Variants in GDPD1 observed in about 807,000 individuals in gnomAD.
GDPD1 encodes the protein lysophospholipase D GDPD1.
A neutral mutation model predicts 45.1 loss-of-function variants in GDPD1; 28 were observed. The observed-to-expected ratio is 0.62, with a 90% confidence interval of 0.46 to 0.85. The LOEUF (loss-of-function observed/expected upper bound fraction) is 0.85. Ranked by LOEUF, GDPD1 falls within the 40% of genes least tolerant of loss-of-function variation. The probability of loss-of-function intolerance (pLI) is 0.00; values close to 1 mark genes in which losing one functional copy is unlikely to be tolerated. For synonymous variants in GDPD1, 139 were observed against 131.4 expected (o/e 1.06, Z -0.40); for missense variants, 256 against 364.8 (o/e 0.70, Z 2.43).
chr17:59,257,916 A>G, intron 6 of GDPD1, 76 bp downstream of exon 6: 1 of 1,021,164 alleles, frequency 9.8e-7, no homozygotes, highest in African/African-American at 1.7e-5. Flanking sequence ...TTATTATAGT[A>G]ATAATTTTTT....
chr17:59,231,075 A>G (rs962831598), intron 1 of GDPD1, among the ~76,000 whole-genome samples: 7 of 152,178 alleles, frequency 4.6e-5, no homozygotes, highest in Admixed American at 4.6e-4. Context: ...CACCAGGGAC[A>G]TCTTTTCTGA....
At chr17:59,273,574 A>T (rs2047459161) in intron 9 of GDPD1, 77 bp from the exon 10 acceptor site, 1 of 700,124 alleles carries the variant, frequency 1.4e-6, no homozygotes, top group African/African-American at 1.8e-5. Flanking sequence ...CCAAGACTGT[A>T]GTGGATAAAT....
chr17:59,274,241 G>T lies in GDPD1; in HGVS notation c.*468G>T. ...ATACATTTGGCATTGGGCTGAGTGT[G>T]GTGGCTCATGCCTGTAATCCCAGCA... On this transcript the variant is annotated 3_prime_UTR_variant, in exon 10 of 10. Transcript: ENST00000284116. The T allele has an allele frequency of 1.2e-6, 1 of 869,538 alleles. No individual in the cohort carries two copies. The highest frequency in any genetic ancestry group is 5.3e-5 in the South Asian group (1 of 18,936). The allele number at this position is 869,538 out of a possible 1,614,324, so 53.9% of individuals were successfully genotyped here.
chr17:59,235,559 C>G lies in GDPD1; in HGVS notation c.185+1025C>G, dbSNP rs567585590. ...AGGCATGGTGGCTCACACCTGTAAT[C>G]TCAACACTTTGGGAGGCCAAGGCGA... On this transcript the variant is annotated intron_variant, in intron 2 of 9. Transcript: ENST00000284116. Among the ~76,000 whole-genome samples, 3 of 152,304 alleles carry G rather than the reference C, an allele frequency of 2.0e-5. No homozygotes were observed. The East Asian group carries it at 5.8e-4, about 29-fold the overall frequency.
intron 4 of GDPD1, among the ~76,000 whole-genome samples, chr17:59,251,285 G>A (rs927021616): frequency 4.6e-5 from 7 of 151,716 alleles, no homozygotes; most frequent in Non-Finnish European, 8.8e-5. Context: ...TTGGGAGGCC[G>A]AGACAGGTGG....
chr17:59,239,771 T>TC (rs1165077545), intron 2 of GDPD1, among the ~76,000 whole-genome samples: 6 of 151,990 alleles, frequency 3.9e-5, no homozygotes, highest in African/African-American at 1.4e-4. Context: ...AGTTTTTTTT[T>TC]TTTTTAATTG....
rs367643385 is a variant in GDPD1, at chr17:59,246,761, A to G, written c.321+1212A>G. 2.9e-3 allele frequency among the ~76,000 whole-genome samples: 444 copies of G among 151,262 alleles called. 3 individuals carry two copies. Among genetic ancestry groups the G allele is most frequent in the African/African-American group, 0.01 (417 of 41,336 alleles). On this transcript the variant is annotated intron_variant, in intron 3 of 9. Coordinates refer to ENST00000284116, the MANE Select transcript of GDPD1 (RefSeq NM_182569.4). ...ACATTATAAGAAAAAAAGAAAAAAA[A>G]GAGCAAGGAAACATAAGAGATAAAC...
rs2047474547 is a variant in GDPD1, at chr17:59,275,498, TG to T, written c.*1726del. ...GACAAGATCCAAATAGTCATATTTT[TG>T]TGTTTCCTCTAAAAAAATGTAAGAT... On this transcript the variant is annotated 3_prime_UTR_variant, in exon 10 of 10. Coordinates refer to ENST00000284116, the MANE Select transcript of GDPD1 (RefSeq NM_182569.4). 4.9e-6 allele frequency: 1 copy of T among 204,436 alleles called. No homozygotes were observed. Among genetic ancestry groups the T allele is most frequent in the Non-Finnish European group, 1.0e-5 (1 of 100,312 alleles). The allele number at this position is 204,436 out of a possible 1,614,324, so 12.7% of individuals were successfully genotyped here.
chr17:59,255,768 T>A lies in GDPD1; in HGVS notation c.368-1354T>A, dbSNP rs1231049145. On this transcript the variant is annotated intron_variant, in intron 4 of 9. Coordinates refer to ENST00000284116, the MANE Select transcript of GDPD1 (RefSeq NM_182569.4). ...CAAAAAAAAAAAAAAAAAAAATATA[T>A]ATATATATATATATATACGCGTATA... Among the ~76,000 whole-genome samples the A allele has an allele frequency of 7.3e-3, 508 of 69,698 alleles. 11 individuals are homozygous for A. Among genetic ancestry groups the A allele is most frequent in the Non-Finnish European group, 9.2e-3 (386 of 41,834 alleles). The allele number at this position is 69,698 out of a possible 152,430, so 45.7% of individuals were successfully genotyped here.
At chr17:59,255,249 C>A (rs569882963) in intron 4 of GDPD1, among the ~76,000 whole-genome samples, 134 of 152,104 alleles carry the variant, frequency 8.8e-4, no homozygotes, top group African/African-American at 3.1e-3. Context: ...ACAATTTTTA[C>A]AATAGTTATA....
intron 1 of GDPD1, among the ~76,000 whole-genome samples, chr17:59,232,573 G>A (rs966854975): frequency 2.0e-5 from 3 of 152,142 alleles, no homozygotes; most frequent in African/African-American, 7.2e-5. Flanking sequence ...AAATGGTTCT[G>A]AATCAAGGTG....
intron 2 of GDPD1, among the ~76,000 whole-genome samples, chr17:59,244,497 A>T (rs1395638274): frequency 2.6e-5 from 4 of 151,948 alleles, no homozygotes; most frequent in African/African-American, 7.3e-5. Flanking sequence ...CACCTGGCCA[A>T]TTTTTTTGTA....
chr17:59,273,840 T>A lies in GDPD1; in HGVS notation c.*67T>A, dbSNP rs561963861. The A allele has an allele frequency of 6.8e-7, 1 of 1,466,086 alleles. No individual in the cohort carries two copies. The highest frequency in any genetic ancestry group is 1.4e-5 in the African/African-American group (1 of 70,152). 90.8% of individuals were successfully genotyped at this position (1,466,086 alleles called of 1,614,324 possible). The stretch of plus-strand genomic sequence containing the variant: ...CTAAGAAAAAAATATTTCATGATCA[T>A]TTCCCTAAGCCATTTCCAGAATGGT... On this transcript the variant is annotated 3_prime_UTR_variant, in exon 10 of 10. Transcript: ENST00000284116.
chr17:59,243,563 A>G (rs1259469257), intron 2 of GDPD1, among the ~76,000 whole-genome samples: 1 of 151,218 alleles, frequency 6.6e-6, no homozygotes, highest in Admixed American at 6.6e-5. Flanking sequence ...TCTGGGTTGC[A>G]GTTTTATCCT....
At chr17:59,263,965 T>C (rs182541808) in intron 6 of GDPD1, among the ~76,000 whole-genome samples, 216 of 152,240 alleles carry the variant, frequency 1.4e-3, no homozygotes, top group African/African-American at 4.7e-3. Flanking sequence ...AGTGCTGTGG[T>C]TCCAAAGTTG....
At chr17:59,226,737 G>A (rs747965994) in intron 1 of GDPD1, among the ~76,000 whole-genome samples, 6 of 152,010 alleles carry the variant, frequency 3.9e-5, no homozygotes, top group South Asian at 2.1e-4. Flanking sequence ...ATGCAGTGGC[G>A]CGATCTCAGC....
intron 1 of GDPD1, among the ~76,000 whole-genome samples, chr17:59,224,352 G>GTGGC (rs1175518897): frequency 6.6e-6 from 1 of 152,148 alleles, no homozygotes; most frequent in African/African-American, 2.4e-5. Context: ...GCCGAGCAAG[G>GTGGC]TGGCTCATGC....
At chr17:59,238,059 G>A (rs1018640837) in intron 2 of GDPD1, among the ~76,000 whole-genome samples, 6 of 150,612 alleles carry the variant, frequency 4.0e-5, no homozygotes, top group South Asian at 2.1e-4. Context: ...ACCTGAGGTC[G>A]GGAGTTTGAG....
intron 4 of GDPD1, among the ~76,000 whole-genome samples, chr17:59,255,762 A>AAATAT (rs1281572220): frequency 2.3e-5 from 1 of 44,356 alleles, no homozygotes; most frequent in Non-Finnish European, 3.5e-5. Flanking sequence ...AAAAAAAAAA[A>AAATAT]ATATATATAT....
Sources: gnomAD v4.1 joint callset for allele counts (sites outside exome capture counted in the v4.1 genomes callset) on GRCh38, gnomAD v4.1.1 for gene constraint, MANE v1.5 for transcripts, NCBI Gene and HGNC (gene_info 2026-07-23, HGNC 2026-07-21) for gene names.